Variants in FAIM observed in about 807,000 individuals in gnomAD.
FAIM encodes the protein Fas apoptotic inhibitory molecule.
A neutral mutation model predicts 21.2 loss-of-function variants in FAIM; 14 were observed. The observed-to-expected ratio is 0.66, with a 90% CI of 0.44 to 1.03. FAIM has a LOEUF of 1.03. Ranked by LOEUF, FAIM falls within the 50% of genes least tolerant of loss-of-function variation. The pLI, the probability that FAIM is intolerant of heterozygous loss-of-function variation, is 0.00. For synonymous variants in FAIM, 86 were observed against 80.4 expected, an observed-to-expected ratio of 1.07 and a Z score of -0.37; for missense variants, 222 against 247.1, an observed-to-expected ratio of 0.90 and a Z score of 0.68.
intron 1 of FAIM, among the ~76,000 whole-genome samples, chr3:138,617,344 A>G (rs1340940356): frequency 3.4e-5 from 5 of 148,914 alleles, no homozygotes; most frequent in Non-Finnish European, 1.5e-5. Context: ...ATCAAAGTTT[A>G]TATTATGCTG....
At chr3:138,625,724 T>A (rs2042932171) in intron 4 of FAIM, among the ~76,000 whole-genome samples, 1 of 152,228 alleles carries the variant, frequency 6.6e-6, no homozygotes, top group Non-Finnish European at 1.5e-5. Flanking sequence ...CTAGGCACTT[T>A]ATATAATTAT....
intron 5 of FAIM, chr3:138,629,582 C>G (rs2108357610): frequency 1.3e-5 from 2 of 155,340 alleles, no homozygotes; most frequent in Middle Eastern, 3.3e-3. Context: ...TCTAACATTT[C>G]CCTAGGTGCT....
chr3:138,629,200 T>C (rs1168632619), intron 5 of FAIM, 44 bp downstream of exon 5: 1 of 1,443,270 alleles, frequency 6.9e-7, no homozygotes, highest in Admixed American at 1.8e-5. Flanking sequence ...GTGTCTCAGT[T>C]ACCATTGAAT....
At chr3:138,621,660 T>C in intron 3 of FAIM, 121 bp downstream of exon 3, 4 of 818,762 alleles carry the variant, frequency 4.9e-6, no homozygotes, top group Non-Finnish European at 7.5e-6. Context: ...TTTTGATCTG[T>C]ATCATTTTGC....
intron 1 of FAIM, among the ~76,000 whole-genome samples, chr3:138,612,547 A>G (rs953863944): frequency 2.0e-5 from 3 of 152,194 alleles, no homozygotes; most frequent in Non-Finnish European, 4.4e-5. Context: ...CTTTTGGCCG[A>G]GATCAAGTGT....
chr3:138,632,731 G>C (rs2043018844), intron 5 of FAIM, among the ~76,000 whole-genome samples, 199 bp from the exon 6 acceptor site: 1 of 152,042 alleles, frequency 6.6e-6, no homozygotes, highest in African/African-American at 2.4e-5. Context: ...GGATTGTAGG[G>C]GTTATGAAAA....
rs945943865 is a variant in FAIM at position 138,622,426 on chromosome 3, T to C, written c.406+10T>C. On this transcript the variant is annotated intron_variant, in intron 4 of 5. Coordinates refer to ENST00000360570, the MANE Select transcript of FAIM (RefSeq NM_001033031.2). ...TTTAGAATTGTTTTGGGTAAGTTAG[T>C]GCTGTTTCCGCAGAACTTTTTTTTT... 11 of 1,542,622 alleles carry C rather than the reference T, an allele frequency of 7.1e-6. No homozygotes were observed. Among genetic ancestry groups the C allele is most frequent in the Non-Finnish European group, 9.6e-6 (11 of 1,143,346 alleles).
rs755794690 is a variant in FAIM, at chr3:138,619,714, GT to G, written c.-8del. Reference sequence around the variant, plus strand: ...CTGGCTGCTAATTGGATTAAAGACTGTTTTTGCCAACCATGGCATCTGGAGA... The same window carrying G: ...CTGGCTGCTAATTGGATTAAAGACTGTTTTGCCAACCATGGCATCTGGAGA... On this transcript the variant is annotated 5_prime_UTR_variant, in exon 2 of 6. Coordinates refer to ENST00000360570, the MANE Select transcript of FAIM (RefSeq NM_001033031.2). 8.7e-6 allele frequency: 14 copies of G among 1,612,400 alleles called. No individual in the cohort carries two copies. The African/African-American group carries it at 1.7e-4, about 20-fold the overall frequency.
intron 1 of FAIM, among the ~76,000 whole-genome samples, chr3:138,614,614 G>T (rs1182018306): frequency 6.6e-6 from 1 of 152,126 alleles, no homozygotes; most frequent in Non-Finnish European, 1.5e-5. Flanking sequence ...GAGCATAGCT[G>T]CTGCAAATCA....
intron 1 of FAIM, chr3:138,610,758 A>C (rs563496465): frequency 4.2e-6 from 2 of 480,140 alleles, no homozygotes; most frequent in Non-Finnish European, 7.4e-6. Flanking sequence ...AAATTTTTCT[A>C]TTTTTGCAAA....
chr3:138,613,326 C>G (rs1350531964), intron 1 of FAIM, among the ~76,000 whole-genome samples: 1 of 151,692 alleles, frequency 6.6e-6, no homozygotes, highest in Non-Finnish European at 1.5e-5. Flanking sequence ...GGCCCCTTTC[C>G]CATTTTTAAA....
rs115573678 is a variant in FAIM at position 138,631,531 on chromosome 3, A to T, written c.457-1399A>T. On this transcript the variant is annotated intron_variant, in intron 5 of 5. Transcript: ENST00000360570. ...TACATGTGTTTGGAAATAGCTCTTT[A>T]TAACACAGTTGCCTTCTCATTGTAA... 8.5e-3 allele frequency among the ~76,000 whole-genome samples: 1,299 copies of T among 152,320 alleles called. 26 individuals carry two copies. The highest frequency in any genetic ancestry group is 0.028 in the African/African-American group (1,177 of 41,560).
chr3:138,622,027 G>A (rs1157197173), intron 3 of FAIM, among the ~76,000 whole-genome samples, 161 bp from the exon 4 acceptor site: 3 of 152,028 alleles, frequency 2.0e-5, no homozygotes, highest in Admixed American at 6.6e-5. Flanking sequence ...TGATCCGCCC[G>A]CCTCAGCCTC....
At chr3:138,609,578 A>ATCTCC (rs2042739659) in intron 1 of FAIM, among the ~76,000 whole-genome samples, 3 of 4,700 alleles carry the variant, frequency 6.4e-4, no homozygotes, top group East Asian at 0.011. Context: ...CTCTCTCTCG[A>ATCTCC]CTCTCTCTCT....
At chr3:138,619,561 T>C (rs1308729997) in intron 1 of FAIM, 150 bp from the exon 2 acceptor site, 5 of 649,430 alleles carry the variant, frequency 7.7e-6, no homozygotes, top group Non-Finnish European at 1.3e-5. Context: ...TTCTATTTTA[T>C]GTAGAAGCTG....
chr3:138,610,300 T>G (rs1161720760), intron 1 of FAIM, among the ~76,000 whole-genome samples: 1 of 152,090 alleles, frequency 6.6e-6, no homozygotes, highest in Non-Finnish European at 1.5e-5. Flanking sequence ...AGGTGTTGGG[T>G]TGCTAGGGAA....
intron 4 of FAIM, among the ~76,000 whole-genome samples, chr3:138,628,527 C>T (rs888695006): frequency 6.6e-6 from 1 of 151,080 alleles, no homozygotes; most frequent in African/African-American, 2.4e-5. Context: ...CTCTGTTGCC[C>T]AGGCTAGAGT....
intron 1 of FAIM, among the ~76,000 whole-genome samples, chr3:138,610,013 C>A (rs1465854477): frequency 3.3e-5 from 5 of 152,090 alleles, no homozygotes; most frequent in Non-Finnish European, 7.4e-5. Context: ...TTACTGGAGA[C>A]CCCCCTCACT....
At chr3:138,629,541 A>G (rs1431091560) in intron 5 of FAIM, 1 of 158,194 alleles carries the variant, frequency 6.3e-6, no homozygotes, top group Admixed American at 6.4e-5. Flanking sequence ...GCATGCACAG[A>G]AATTGCCTGG....
Sources: allele counts gnomAD v4.1 joint callset (sites outside exome capture counted in the v4.1 genomes callset), GRCh38; gene constraint gnomAD v4.1.1; transcripts MANE v1.5; gene names NCBI Gene and HGNC (gene_info 2026-07-23, HGNC 2026-07-21).